EPHA6: variants seen among roughly 807,000 people sequenced by gnomAD.
The protein encoded by EPHA6 is ephrin type-A receptor 6.
EPHA6 carries 50 observed loss-of-function variants against 112.0 expected under a neutral mutation model. The ratio of observed to expected loss-of-function variants is 0.45; its 90% CI spans 0.36 to 0.56. The LOEUF is 0.56. Among genes scored for constraint, EPHA6 ranks in the 20% least tolerant of loss-of-function variants. The pLI is 0.00. For synonymous variants in EPHA6, 529 were observed against 490.7 expected (o/e 1.08, Z -1.03); for missense variants, 1,280 against 1,417.4 (o/e 0.90, Z 1.56).
Position 96,814,981 on chromosome 3 carries a change from G to T in EPHA6, c.358G>T (p.Asp120Tyr). The T allele has an allele frequency of 6.5e-7, 1 of 1,535,636 alleles. No individual in the cohort carries two copies. The highest frequency in any genetic ancestry group is 8.8e-7 in the Non-Finnish European group (1 of 1,136,696). Residue 120 changes from aspartate to tyrosine, a missense_variant, in exon 1 of 18, where the codon GAC becomes TAC. By Grantham distance (160) the Asp-to-Tyr change is radical (BLOSUM62 -3). Coordinates refer to ENST00000389672, the MANE Select transcript of EPHA6 (RefSeq NM_001080448.3). ...FLPLLTAWPG[D>Y]CSHVSNNQVV... ...GCCTCTGCTGACAGCGTGGCCAGGCGACTGCAGTCACGTCTCCAACAACCA... is the reference window on the plus strand; with the variant it reads ...GCCTCTGCTGACAGCGTGGCCAGGCTACTGCAGTCACGTCTCCAACAACCA...
At chr3:97,342,577 A>G (rs2083361731) in intron 5 of EPHA6, among the ~76,000 whole-genome samples, 1 of 152,226 alleles carries the variant, frequency 6.6e-6, no homozygotes, top group African/African-American at 2.4e-5. Context: ...CAGAATTCAT[A>G]TGTTGACGCC....
intron 3 of EPHA6, among the ~76,000 whole-genome samples, chr3:97,043,438 T>G (rs1351028201): frequency 6.6e-6 from 1 of 152,168 alleles, no homozygotes; most frequent in African/African-American, 2.4e-5. Context: ...AGTGGGTCAC[T>G]TCATGTATCA....
intron 6 of EPHA6, among the ~76,000 whole-genome samples, chr3:97,416,179 A>T (rs1301114950): frequency 6.6e-6 from 1 of 152,018 alleles, no homozygotes; most frequent in African/African-American, 2.4e-5. Context: ...AAGAGAAGAA[A>T]CCAAAATGAG....
At chr3:97,419,161 G>A (rs1294852401) in intron 6 of EPHA6, among the ~76,000 whole-genome samples, 1 of 152,018 alleles carries the variant, frequency 6.6e-6, no homozygotes, top group African/African-American at 2.4e-5. Context: ...AAAATTGCGG[G>A]GCATGGTGGC....
intron 2 of EPHA6, among the ~76,000 whole-genome samples, chr3:96,890,697 A>G (rs1335774789): frequency 6.6e-6 from 1 of 152,244 alleles, no homozygotes; most frequent in Non-Finnish European, 1.5e-5. Context: ...CGAAGAGGAT[A>G]TGGGGCAAGT....
intron 2 of EPHA6, among the ~76,000 whole-genome samples, chr3:96,933,700 G>T (rs2040445913): frequency 6.6e-6 from 1 of 152,082 alleles, no homozygotes; most frequent in South Asian, 2.1e-4. Context: ...CTTAGAAGAA[G>T]AATTTAGTTA....
At chr3:97,249,413 T>C (rs2079071613) in intron 5 of EPHA6, among the ~76,000 whole-genome samples, 1 of 152,158 alleles carries the variant, frequency 6.6e-6, no homozygotes, top group Admixed American at 6.6e-5. Flanking sequence ...TCTAGGTGAT[T>C]GTAAAATTTG....
chr3:97,160,720 C>T (rs374965809), intron 3 of EPHA6, among the ~76,000 whole-genome samples: 2 of 152,146 alleles, frequency 1.3e-5, no homozygotes, highest in Non-Finnish European at 1.5e-5. Flanking sequence ...ATGCATTGTG[C>T]TACAGAATTG....
At chr3:97,404,883 C>G (rs1016512581) in intron 5 of EPHA6, among the ~76,000 whole-genome samples, 22 of 152,130 alleles carry the variant, frequency 1.4e-4, no homozygotes, top group Non-Finnish European at 2.6e-4. Context: ...ATATCCTCCC[C>G]TAATAATACC....
At chr3:97,427,051 C>T (rs778109173) in intron 6 of EPHA6, among the ~76,000 whole-genome samples, 4 of 152,006 alleles carry the variant, frequency 2.6e-5, no homozygotes, top group South Asian at 2.1e-4. Flanking sequence ...CAGATACTAG[C>T]GAGGTTGCAG....
At chr3:97,401,253 A>C (rs964520099) in intron 5 of EPHA6, among the ~76,000 whole-genome samples, 1 of 151,708 alleles carries the variant, frequency 6.6e-6, no homozygotes, top group African/African-American at 2.4e-5. Context: ...GTGGCTGTTA[A>C]ATGAATTAAT....
chr3:97,230,698 T>G (rs1283726010), intron 4 of EPHA6, among the ~76,000 whole-genome samples: 1 of 152,136 alleles, frequency 6.6e-6, no homozygotes, highest in African/African-American at 2.4e-5. Flanking sequence ...CGTGTATACA[T>G]TGGACATACC....
chr3:97,737,921 G>A (rs1576380297), intron 16 of EPHA6, among the ~76,000 whole-genome samples: 1 of 152,166 alleles, frequency 6.6e-6, no homozygotes, highest in Non-Finnish European at 1.5e-5. Flanking sequence ...AGGAAAAGAG[G>A]GAAGAGCAGT....
In EPHA6 at chr3:97,232,467, GATA is replaced by G. The variant is rs566961499; in HGVS notation, c.1270+6055_1270+6057del. 2.6e-3 allele frequency among the ~76,000 whole-genome samples: 398 copies of G among 152,178 alleles called. 3 individuals carry two copies. Among genetic ancestry groups the G allele is most frequent in the African/African-American group, 8.6e-3 (357 of 41,530 alleles). On this transcript the variant is annotated intron_variant, in intron 4 of 17. Transcript: ENST00000389672. ...ATTCCTGCAAACTAAAAACAATAAT[GATA>G]ATAATATACTGAATGCCTAAGACCT...
At position 96,987,425 on chromosome 3, in the gene EPHA6, T is replaced by C; in HGVS notation, c.546T>C (p.Arg182=). The stretch of plus-strand genomic sequence containing the variant: ...AACCAAACCAAAACAACTGGCTTCG[T>C]ACAAACTGGATCTCCCGTGATGCAG... ...VMEPNQNNWL[R]TNWISRDAAQ... The change falls in exon 3 of 18, where the codon CGT becomes CGC. Residue 182 remains arginine (R), a synonymous_variant. Coordinates refer to ENST00000389672, the MANE Select transcript of EPHA6 (RefSeq NM_001080448.3). The C allele has an allele frequency of 6.2e-7, 1 of 1,613,946 alleles. No homozygotes were observed. The highest frequency in any genetic ancestry group is 8.5e-7 in the Non-Finnish European group (1 of 1,179,864).
At chr3:97,489,000 A>G (rs1235206078) in intron 10 of EPHA6, among the ~76,000 whole-genome samples, 4 of 152,260 alleles carry the variant, frequency 2.6e-5, no homozygotes, top group Non-Finnish European at 1.5e-5. Flanking sequence ...TCAGATATGA[A>G]TCACAGCTTT....
At chr3:97,381,078 T>A (rs2085700722) in intron 5 of EPHA6, among the ~76,000 whole-genome samples, 1 of 152,112 alleles carries the variant, frequency 6.6e-6, no homozygotes, top group Admixed American at 6.5e-5. Flanking sequence ...ATAGGAATTC[T>A]ATTAATTTTC....
intron 2 of EPHA6, among the ~76,000 whole-genome samples, chr3:96,893,445 C>T (rs1016374854): frequency 4.6e-5 from 7 of 152,102 alleles, no homozygotes; most frequent in Admixed American, 2.6e-4. Context: ...CATATAAAAT[C>T]CATACCTAAT....
chr3:97,233,257 G>A (rs1247093383), intron 4 of EPHA6, among the ~76,000 whole-genome samples: 1 of 146,988 alleles, frequency 6.8e-6, no homozygotes, highest in Non-Finnish European at 1.5e-5. Context: ...GAGGTAGTCT[G>A]AATCATACTT....
Sources: allele counts gnomAD v4.1 joint callset (sites outside exome capture counted in the v4.1 genomes callset), GRCh38; gene constraint gnomAD v4.1.1; transcripts MANE v1.5; gene names NCBI Gene and HGNC (gene_info 2026-07-23, HGNC 2026-07-21).